Variants in CLEC2L observed in about 807,000 individuals in gnomAD.
The protein encoded by CLEC2L is C-type lectin domain family 2 member L.
A neutral mutation model predicts 23.6 loss-of-function variants in CLEC2L; 14 were observed. The observed-to-expected ratio is 0.59, with a 90% CI of 0.39 to 0.93. The LOEUF (loss-of-function observed/expected upper bound fraction) is 0.93. Among genes scored for constraint, CLEC2L ranks in the 40% least tolerant of loss-of-function variants. CLEC2L has a pLI of 0.00. For synonymous variants in CLEC2L, 114 were observed against 121.3 expected, an observed-to-expected ratio of 0.94 and a Z score of 0.40; for missense variants, 264 against 282.4, an observed-to-expected ratio of 0.93 and a Z score of 0.47.
chr7:139,527,722 G>A (rs1036561354), intron 1 of CLEC2L, among the ~76,000 whole-genome samples: 11 of 152,124 alleles, frequency 7.2e-5, no homozygotes, highest in East Asian at 1.9e-4. Context: ...GTGAGCCTGC[G>A]TGCCTCAGCC....
chr7:139,533,147 G>A (rs1797603413), intron 1 of CLEC2L, among the ~76,000 whole-genome samples: 1 of 152,122 alleles, frequency 6.6e-6, no homozygotes, highest in Non-Finnish European at 1.5e-5. Flanking sequence ...ATATTGAGAA[G>A]GCAGGGACTG....
chr7:139,543,665 C>T (rs58956788), intron 4 of CLEC2L, among the ~76,000 whole-genome samples: 2,406 of 152,314 alleles, frequency 0.016, 63 homozygotes, highest in African/African-American at 0.054. Context: ...CCTCAGTTAG[C>T]CCATATTGGG....
At chr7:139,537,878 A>G (rs1440914031) in intron 2 of CLEC2L, among the ~76,000 whole-genome samples, 1 of 152,348 alleles carries the variant, frequency 6.6e-6, no homozygotes, top group African/African-American at 2.4e-5. Context: ...TGAAAAAGGT[A>G]GAAACTGCAA....
chr7:139,529,894 C>T (rs114513090), intron 1 of CLEC2L, among the ~76,000 whole-genome samples: 1,541 of 152,042 alleles, frequency 0.01, 25 homozygotes, highest in African/African-American at 0.036. Context: ...TGGAGAAACC[C>T]CAACTCTACT....
chr7:139,543,743 G>A (rs930593852), intron 4 of CLEC2L, among the ~76,000 whole-genome samples: 2 of 152,196 alleles, frequency 1.3e-5, no homozygotes, highest in African/African-American at 2.4e-5. Flanking sequence ...AGCTCCTCCT[G>A]TGTGCTCAAC....
intron 2 of CLEC2L, among the ~76,000 whole-genome samples, chr7:139,538,423 T>C: frequency 7.1e-6 from 1 of 141,498 alleles, no homozygotes; most frequent in African/African-American, 2.8e-5. Flanking sequence ...CAGAAGAGAC[T>C]CTGTCTCAAA....
intron 1 of CLEC2L, among the ~76,000 whole-genome samples, chr7:139,534,992 A>T (rs1204845944): frequency 6.6e-6 from 1 of 152,016 alleles, no homozygotes; most frequent in Non-Finnish European, 1.5e-5. Flanking sequence ...AACAACAACA[A>T]AAAAACCTAC....
chr7:139,537,784 G>T (rs1262134795), intron 2 of CLEC2L, among the ~76,000 whole-genome samples: 1 of 152,158 alleles, frequency 6.6e-6, no homozygotes. Context: ...GCATATTCTG[G>T]ACCCCATCAA....
intron 1 of CLEC2L, chr7:139,534,099 G>T (rs1797618701): frequency 1.6e-6 from 1 of 608,258 alleles, no homozygotes; most frequent in Non-Finnish European, 3.0e-6. Context: ...TTGGTGAGAG[G>T]ATGTGGAGAA....
chr7:139,535,471 T>C (rs1270663395), intron 1 of CLEC2L, among the ~76,000 whole-genome samples: 3 of 152,198 alleles, frequency 2.0e-5, no homozygotes, highest in Non-Finnish European at 4.4e-5. Context: ...ATTGTGAGTG[T>C]ACTTAATGCC....
chr7:139,535,151 T>C (rs1797634989), intron 1 of CLEC2L, among the ~76,000 whole-genome samples: 1 of 152,180 alleles, frequency 6.6e-6, no homozygotes, highest in Admixed American at 6.5e-5. Flanking sequence ...AACAGATGAA[T>C]GGATAAACAC....
Position 139,540,313 on chromosome 7 carries a change from C to G in CLEC2L, c.266-8C>G. ...GCGGGCAGGGCCGAGCTGGTCTCTT[C>G]CCTGCAGCTTCCAAGGGCTGCATCA... is the stretch of plus-strand genomic sequence containing the variant. On this transcript the variant is annotated splice_polypyrimidine_tract_variant and splice_region_variant and intron_variant, in intron 2 of 4. Transcript: ENST00000422142. This position sits in a 1 kb window ranked among gnomAD's most constrained non-coding sequence, Gnocchi z 5.8. The G allele has an allele frequency of 6.2e-7, 1 of 1,603,452 alleles. No individual in the cohort carries two copies. The highest frequency in any genetic ancestry group is 8.5e-7 in the Non-Finnish European group (1 of 1,175,680).
chr7:139,529,016 T>A (rs757034163), intron 1 of CLEC2L, among the ~76,000 whole-genome samples: 8 of 152,230 alleles, frequency 5.3e-5, no homozygotes, highest in Non-Finnish European at 8.8e-5. Context: ...TGTAACTAAA[T>A]TTCTCCCATA....
intron 1 of CLEC2L, among the ~76,000 whole-genome samples, chr7:139,527,450 G>C (rs73735011): frequency 0.017 from 2,562 of 152,318 alleles, 70 homozygotes; most frequent in African/African-American, 0.059. Flanking sequence ...GCTGGGATTA[G>C]AGCCCAGGTC....
chr7:139,541,382 T>C (rs1797733762), intron 3 of CLEC2L, among the ~76,000 whole-genome samples: 1 of 151,884 alleles, frequency 6.6e-6, no homozygotes, highest in Non-Finnish European at 1.5e-5. Context: ...GAAAACACAT[T>C]GTCATTTTCT....
Position 139,539,585 on chromosome 7 carries a change from T to G in CLEC2L, c.266-736T>G, listed in dbSNP as rs1797705794. ...GCTGCTGGTAGAGCCACATCTGATG[T>G]GTCCCGGTCTGTCCTGGTGGCAGCG... On this transcript the variant is annotated intron_variant, in intron 2 of 4. Transcript: ENST00000422142. The surrounding 1 kb of genome is among the most constrained non-coding windows in gnomAD (Gnocchi z 4.1). 6.6e-6 allele frequency: 1 copy of G among 152,282 alleles called. No homozygotes were observed. The highest frequency in any genetic ancestry group is 2.1e-4 in the South Asian group (1 of 4,836). 9.4% of individuals were successfully genotyped at this position (152,282 alleles called of 1,614,324 possible). A position where few individuals can be genotyped will look rare whatever the true frequency, so the allele number is the denominator to read the frequency against.
At chr7:139,529,945 A>G (rs1797556433) in intron 1 of CLEC2L, among the ~76,000 whole-genome samples, 1 of 151,702 alleles carries the variant, frequency 6.6e-6, no homozygotes, top group African/African-American at 2.4e-5. Flanking sequence ...ATGTGCGCCT[A>G]TAGTCCCAGC....
chr7:139,544,253 G>A lies in CLEC2L; in HGVS notation c.556G>A (p.Glu186Lys). ...PDTFTIAGPG[E>K]CVFVEPTRLV... is the part of the protein sequence containing the mutation. ...CAGGTTCACCATCGCAGGTCCAGGG[G>A]AGTGTGTCTTCGTGGAGCCCACCAG... The change falls in exon 5 of 5, where the codon GAG becomes AAG. Residue 186 changes from glutamate to lysine, a missense_variant. By Grantham distance (56) the Glu-to-Lys change is moderately conservative. Transcript: ENST00000422142. 6.2e-7 allele frequency: 1 copy of A among 1,613,396 alleles called. No individual in the cohort carries two copies.
intron 1 of CLEC2L, among the ~76,000 whole-genome samples, chr7:139,530,539 A>G (rs1797566785): frequency 6.6e-6 from 1 of 152,082 alleles, no homozygotes; most frequent in African/African-American, 2.4e-5. Context: ...TCAGCTGGGC[A>G]TGGTGGCTCA....
Sources: allele counts gnomAD v4.1 joint callset (sites outside exome capture counted in the v4.1 genomes callset), GRCh38; gene constraint gnomAD v4.1.1; non-coding constraint Gnocchi (gnomAD v3.1); transcripts MANE v1.5; gene names NCBI Gene and HGNC (gene_info 2026-07-23, HGNC 2026-07-21).